The following TMEM181 variants were observed in gnomAD, a reference collection of about 807,000 sequenced individuals.
The protein encoded by TMEM181 is G protein-coupled receptor 178.
In TMEM181, 39 loss-of-function variants were observed where a neutral mutation model predicts 71.9. The ratio of observed to expected loss-of-function variants is 0.54; its 90% CI spans 0.42 to 0.71. The LOEUF (loss-of-function observed/expected upper bound fraction) is 0.71, where lower values mean the gene tolerates loss of function less well. Among genes scored for constraint, TMEM181 ranks in the 30% least tolerant of loss-of-function variants. The probability of loss-of-function intolerance (pLI) is 0.00; values close to 1 mark genes in which losing one functional copy is unlikely to be tolerated. For synonymous variants in TMEM181, 245 were observed against 228.8 expected (o/e 1.07, Z -0.64); for missense variants, 595 against 583.0 (o/e 1.02, Z -0.21).
At chr6:158,537,586 G>A (rs1031030476) in intron 1 of TMEM181, among the ~76,000 whole-genome samples, 1 of 152,276 alleles carries the variant, frequency 6.6e-6, no homozygotes, top group East Asian at 1.9e-4. Flanking sequence ...TCTGTTCACC[G>A]CCAATGGCCG....
chr6:158,605,158 G>GTGT, intron 6 of TMEM181, 109 bp from the exon 7 acceptor site: 1 of 571,558 alleles, frequency 1.7e-6, no homozygotes, highest in South Asian at 1.9e-5. Flanking sequence ...GTGTGTGTGT[G>GTGT]TATGTGTATA....
intron 2 of TMEM181, among the ~76,000 whole-genome samples, chr6:158,574,435 A>T (rs1418423092): frequency 6.6e-6 from 1 of 152,124 alleles, no homozygotes; most frequent in Non-Finnish European, 1.5e-5. Flanking sequence ...TATATCCATG[A>T]TCTTACTTGA....
chr6:158,596,009 C>T (rs559488492), intron 6 of TMEM181, among the ~76,000 whole-genome samples: 3 of 152,256 alleles, frequency 2.0e-5, no homozygotes, highest in Non-Finnish European at 4.4e-5. Flanking sequence ...GCAAGCTCCG[C>T]CTCCTGGGTT....
chr6:158,623,516 T>A (rs776087879), intron 10 of TMEM181, 34 bp from the exon 11 acceptor site: 1 of 1,353,070 alleles, frequency 7.4e-7, no homozygotes, highest in Admixed American at 2.2e-5. Flanking sequence ...AAGGTAGTTA[T>A]TAATCTATAA....
chr6:158,548,620 G>C (rs1312071911), intron 1 of TMEM181, among the ~76,000 whole-genome samples: 1 of 152,168 alleles, frequency 6.6e-6, no homozygotes. Flanking sequence ...TGTTCCAAGG[G>C]ATGGTGTCCT....
intron 8 of TMEM181, among the ~76,000 whole-genome samples, chr6:158,608,057 T>C (rs1275147333): frequency 6.6e-6 from 1 of 152,250 alleles, no homozygotes; most frequent in Non-Finnish European, 1.5e-5. Context: ...GGCTTTTAGG[T>C]GTTTTGGAAA....
At chr6:158,576,746 T>G (rs531002625) in intron 2 of TMEM181, among the ~76,000 whole-genome samples, 1 of 152,208 alleles carries the variant, frequency 6.6e-6, no homozygotes, top group East Asian at 1.9e-4. Flanking sequence ...ATTATTAGAT[T>G]TAAGTGTCCA....
intron 14 of TMEM181, 109 bp from the exon 15 acceptor site, chr6:158,629,621 G>T (rs1015939397): frequency 1.8e-4 from 161 of 911,070 alleles, no homozygotes; most frequent in Non-Finnish European, 2.6e-4. Context: ...GCACTGGCGG[G>T]TGCTTGGCAC....
chr6:158,549,952 C>CTTTTTT lies in TMEM181; in HGVS notation c.131+13102_131+13107dup, dbSNP rs34066198. 4.5e-5 allele frequency among the ~76,000 whole-genome samples: 5 copies of CTTTTTT among 110,834 alleles called. 1 individual carries two copies. Among genetic ancestry groups the CTTTTTT allele is most frequent in the Admixed American group, 2.0e-4 (2 of 10,080 alleles). 72.7% of individuals were successfully genotyped at this position (110,834 alleles called of 152,430 possible). ...GCCTTCCCCAACCTATTTGTCAGGA[C>CTTTTTT]TTTTTTTTTTTTTTTTTTTTAACAC... is the stretch of plus-strand genomic sequence containing the variant. On this transcript the variant is annotated intron_variant, in intron 1 of 16. Coordinates refer to the TMEM181 transcript ENST00000367090.
chr6:158,568,774 C>T (rs1159983679), intron 1 of TMEM181, among the ~76,000 whole-genome samples: 1 of 152,154 alleles, frequency 6.6e-6, no homozygotes, highest in Non-Finnish European at 1.5e-5. Context: ...CTGGGGACTC[C>T]AGCCGCTGTG....
chr6:158,578,429 GTAT>G (rs1562631687), intron 2 of TMEM181, among the ~76,000 whole-genome samples: 3 of 152,146 alleles, frequency 2.0e-5, no homozygotes, highest in Admixed American at 2.0e-4. Flanking sequence ...GTAAAATCTA[GTAT>G]TATTATAACT....
At chr6:158,589,302 T>G (rs2128304871) in intron 5 of TMEM181, among the ~76,000 whole-genome samples, 1 of 152,312 alleles carries the variant, frequency 6.6e-6, no homozygotes, top group East Asian at 1.9e-4. Context: ...GAGGACAAAT[T>G]AGGCCGCGGC....
intron 7 of TMEM181, 86 bp downstream of exon 7, chr6:158,605,433 C>A: frequency 8.1e-7 from 1 of 1,235,866 alleles, no homozygotes; most frequent in Non-Finnish European, 1.2e-6. Context: ...GTGCAAGCCA[C>A]ATGGAGATTG....
intron 5 of TMEM181, among the ~76,000 whole-genome samples, chr6:158,589,326 T>C (rs1007378356): frequency 5.3e-5 from 8 of 152,210 alleles, no homozygotes; most frequent in African/African-American, 1.9e-4. Context: ...TGCATTGACG[T>C]GTCTTAGCTT....
chr6:158,559,084 G>A (rs946415015), upstream of TMEM181, among the ~76,000 whole-genome samples: 2 of 152,070 alleles, frequency 1.3e-5, no homozygotes, highest in African/African-American at 4.8e-5. Context: ...CTGGCTTAGG[G>A]TGTGCTTTGC....
At chr6:158,630,504 TAAATA>T (rs774889716) in intron 15 of TMEM181, among the ~76,000 whole-genome samples, 20 of 152,072 alleles carry the variant, frequency 1.3e-4, no homozygotes, top group African/African-American at 2.2e-4. Flanking sequence ...AAAAAAAAAT[TAAATA>T]AAATAGGCTT....
Position 158,549,900 on chromosome 6 carries a change from C to T in TMEM181, c.131+13035C>T, listed in dbSNP as rs80098144. On this transcript the variant is annotated intron_variant, in intron 1 of 16. Transcript: ENST00000367090. ...TAGTTTTTGTTACTAGGCATTTATGCGTAAGTGCATAAGACTCCTCTTCAT... is the reference window on the plus strand; with the variant it reads ...TAGTTTTTGTTACTAGGCATTTATGTGTAAGTGCATAAGACTCCTCTTCAT... Among the ~76,000 whole-genome samples the T allele has an allele frequency of 3.7e-3, 545 of 146,524 alleles. 7 individuals are homozygous for T. The highest frequency in any genetic ancestry group is 0.013 in the African/African-American group (517 of 39,598).
At chr6:158,559,770 G>A (rs1167473633), upstream of TMEM181, among the ~76,000 whole-genome samples, 1 of 152,244 alleles carries the variant, frequency 6.6e-6, no homozygotes, top group Non-Finnish European at 1.5e-5. Context: ...GTGTTTTCCA[G>A]ACAACTGCAG....
chr6:158,537,530 C>T (rs1472706590), intron 1 of TMEM181, among the ~76,000 whole-genome samples: 1 of 152,226 alleles, frequency 6.6e-6, no homozygotes, highest in Non-Finnish European at 1.5e-5. Context: ...GCGCCGGCCC[C>T]CGCCCCCTTC....
Sources: allele counts gnomAD v4.1 joint callset (sites outside exome capture counted in the v4.1 genomes callset), GRCh38; gene constraint gnomAD v4.1.1; transcripts MANE v1.5; gene names NCBI Gene and HGNC (gene_info 2026-07-23, HGNC 2026-07-21).